Variants in TNS1 observed in about 807,000 individuals in gnomAD.
The protein encoded by TNS1 is tensin-1.
A neutral mutation model predicts 168.6 loss-of-function variants in TNS1; 62 were observed. The observed-to-expected ratio is 0.37, with a 90% confidence interval of 0.30 to 0.45. The LOEUF (loss-of-function observed/expected upper bound fraction) is 0.45. Among genes scored for constraint, TNS1 ranks in the 20% least tolerant of loss-of-function variants. TNS1 has a pLI of 1.00. For synonymous variants in TNS1, 934 were observed against 933.2 expected (o/e 1.00, Z -0.02); for missense variants, 2,240 against 2,339.4 (o/e 0.96, Z 0.88).
chr2:217,898,766 C>T (rs944241582), intron 7 of TNS1, among the ~76,000 whole-genome samples: 1 of 152,200 alleles, frequency 6.6e-6, no homozygotes, highest in African/African-American at 2.4e-5. Context: ...TGGGGAGGCC[C>T]CTGGGCTGGC....
At chr2:218,017,394 A>T (rs1002284721) in intron 1 of TNS1, among the ~76,000 whole-genome samples, 1 of 152,254 alleles carries the variant, frequency 6.6e-6, no homozygotes, top group Non-Finnish European at 1.5e-5. Context: ...CATCCCTGCC[A>T]GGGCCCTGCC....
intron 2 of TNS1, among the ~76,000 whole-genome samples, chr2:217,984,750 CTTTT>C (rs58959120): frequency 3.7e-5 from 5 of 135,744 alleles, no homozygotes; most frequent in East Asian, 2.1e-4. Context: ...ACCTCAGCCT[CTTTT>C]TTTTTTTTTT....
At chr2:217,809,352 G>GATGGATGGATGGATGGATGC (rs1559140248) in intron 30 of TNS1, among the ~76,000 whole-genome samples, 33 of 94,306 alleles carry the variant, frequency 3.5e-4, no homozygotes, top group Non-Finnish European at 4.9e-4. Flanking sequence ...TGGATGCATG[G>GATGGATGGATGGATGGATGC]ATGGATGGAT....
Position 217,991,927 on chromosome 2 carries a change from C to A in TNS1, c.34-871G>T, listed in dbSNP as rs1468616198. Among the ~76,000 whole-genome samples, 4 of 152,124 alleles carry A rather than the reference C, an allele frequency of 2.6e-5. No homozygotes were observed. In the East Asian group the frequency reaches 5.8e-4, roughly 22 times the overall value. ...ATGAGAGGCAGGCTGGTGGCCCAAG[C>A]CTTCCTCTGAGCCTGACTTACCATA... On this transcript the variant is annotated intron_variant, in intron 1 of 32. Transcript: ENST00000682258.
chr2:217,928,133 AC>A (rs1409466694), intron 3 of TNS1, among the ~76,000 whole-genome samples: 1 of 152,198 alleles, frequency 6.6e-6, no homozygotes, highest in Admixed American at 6.5e-5. Flanking sequence ...CTCCTTCAGG[AC>A]CTGAGGATGC....
intron 7 of TNS1, among the ~76,000 whole-genome samples, chr2:217,899,442 C>A (rs1468445771): frequency 6.6e-6 from 1 of 152,212 alleles, no homozygotes; most frequent in Admixed American, 6.5e-5. Flanking sequence ...CACATACCTG[C>A]AAGCAAGTGG....
chr2:218,029,361 C>G (rs138949328), intron 1 of TNS1, among the ~76,000 whole-genome samples: 3 of 152,204 alleles, frequency 2.0e-5, no homozygotes, highest in African/African-American at 7.2e-5. Flanking sequence ...CCTTTGATTC[C>G]GAGACACGTG....
chr2:217,993,941 A>G (rs537287619), intron 1 of TNS1, among the ~76,000 whole-genome samples: 3 of 152,226 alleles, frequency 2.0e-5, no homozygotes, highest in Non-Finnish European at 2.9e-5. Context: ...TAGAAATTCA[A>G]AGAGAGAAGC....
At chr2:217,897,687 A>G in intron 8 of TNS1, 111 bp downstream of exon 8, 1 of 1,196,032 alleles carries the variant, frequency 8.4e-7, no homozygotes, top group Non-Finnish European at 1.2e-6. Context: ...AACAAAGAGA[A>G]GAGGGCATGC....
At position 217,848,692 on chromosome 2, in the gene TNS1, G is replaced by A; in HGVS notation, c.1825C>T (p.Gln609Ter). ...AACGCCCCACCATTGACATGAACCT[G>A]GGCTGGGACAACGTGGCGTCCAGAG... ...PSSGRHVVPA[Q>*]VHVNGGALAS... Residue 609 changes from glutamine to a stop codon, truncating the protein, a stop_gained, in exon 19 of 33, where the codon CAG (glutamine) becomes TAG (stop). Transcript: ENST00000682258. LOFTEE classifies it high-confidence loss of function. 1 of 1,614,222 alleles carries A rather than the reference G, an allele frequency of 6.2e-7. No individual in the cohort carries two copies. The highest frequency in any genetic ancestry group is 8.5e-7 in the Non-Finnish European group (1 of 1,180,030).
At chr2:218,001,569 C>T (rs1156965794) in intron 1 of TNS1, among the ~76,000 whole-genome samples, 1 of 152,124 alleles carries the variant, frequency 6.6e-6, no homozygotes, top group African/African-American at 2.4e-5. Context: ...AGCACAGAGA[C>T]GAACCTGGCC....
At chr2:217,892,677 G>C (rs958036769) in intron 11 of TNS1, among the ~76,000 whole-genome samples, 1 of 152,184 alleles carries the variant, frequency 6.6e-6, no homozygotes, top group Non-Finnish European at 1.5e-5. Context: ...GTGGCTCCGA[G>C]GAGCTGGCCG....
intron 3 of TNS1, among the ~76,000 whole-genome samples, chr2:217,961,974 A>G (rs913945541): frequency 6.6e-6 from 1 of 152,218 alleles, no homozygotes; most frequent in Non-Finnish European, 1.5e-5. Context: ...TTTCCTGAAA[A>G]ATAAGATATT....
intron 3 of TNS1, among the ~76,000 whole-genome samples, chr2:217,925,877 G>A (rs903716301): frequency 2.0e-5 from 3 of 152,026 alleles, no homozygotes; most frequent in Admixed American, 6.6e-5. Context: ...TCCTATAAGA[G>A]TAATCATATA....
chr2:217,989,899 C>G (rs765403530), intron 2 of TNS1, among the ~76,000 whole-genome samples: 17 of 152,176 alleles, frequency 1.1e-4, no homozygotes, highest in Non-Finnish European at 2.4e-4. Context: ...CTTCTACATA[C>G]AGACCACATG....
rs560798620 is a variant in TNS1, at chr2:217,957,931, T to A, written c.186+20834A>T. 2.0e-3 allele frequency among the ~76,000 whole-genome samples: 275 copies of A among 137,382 alleles called. 9 individuals are homozygous for A. In the South Asian group the frequency reaches 0.047, roughly 24 times the overall value. 90.1% of individuals were successfully genotyped at this position (137,382 alleles called of 152,430 possible). On this transcript the variant is annotated intron_variant, in intron 3 of 32. Coordinates refer to ENST00000682258, the MANE Select transcript of TNS1 (RefSeq NM_001387777.1). ...AATGGATGGTTGTTGAAGCCGGGGG[T>A]AGGTACAAAGGAGTTCATTGCATCA... is the stretch of plus-strand genomic sequence containing the variant.
intron 3 of TNS1, among the ~76,000 whole-genome samples, chr2:217,926,840 G>A (rs1956053238): frequency 6.6e-6 from 1 of 152,220 alleles, no homozygotes; most frequent in African/African-American, 2.4e-5. Flanking sequence ...GCTTCCAAAG[G>A]ATGGTATCAG....
rs113305585 is a variant in TNS1, at chr2:217,986,755, A to G, written c.148+4187T>C. Reference sequence around the variant, plus strand: ...TACACACACACACACACACACACACACACACACGCACGCACGCACGTACCT... The same window carrying G: ...TACACACACACACACACACACACACGCACACACGCACGCACGCACGTACCT... On this transcript the variant is annotated intron_variant, in intron 2 of 32. Transcript: ENST00000682258. This position sits in a 1 kb window ranked among gnomAD's most constrained non-coding sequence, Gnocchi z 4.7. The G allele has an allele frequency of 4.5e-5, 5 of 111,852 alleles. No individual in the cohort carries two copies. The highest frequency in any genetic ancestry group is 1.5e-4 in the African/African-American group (4 of 25,830). The allele number at this position is 111,852 out of a possible 1,614,324, so 6.9% of individuals were successfully genotyped here. A position where few individuals can be genotyped will look rare whatever the true frequency, so the allele number is the denominator to read the frequency against.
intron 12 of TNS1, among the ~76,000 whole-genome samples, chr2:217,887,201 C>G (rs553858146): frequency 6.6e-6 from 1 of 152,202 alleles, no homozygotes; most frequent in African/African-American, 2.4e-5. Context: ...TACATCATAC[C>G]AAAGTGCATT....
Sources: allele counts gnomAD v4.1 joint callset (sites outside exome capture counted in the v4.1 genomes callset), GRCh38; gene constraint gnomAD v4.1.1; non-coding constraint Gnocchi (gnomAD v3.1); transcripts MANE v1.5; gene names NCBI Gene and HGNC (gene_info 2026-07-23, HGNC 2026-07-21).